NRK: variants seen among roughly 807,000 people sequenced by gnomAD.
NRK encodes the protein Nik related kinase, also known as nik-related protein kinase.
Under a neutral mutation model 125.2 loss-of-function variants are expected in NRK, and 67 were observed. The observed-to-expected ratio is 0.54, with a 90% CI of 0.44 to 0.66. NRK has a LOEUF of 0.66. Among genes scored for constraint, NRK ranks in the 30% least tolerant of loss-of-function variants. The probability of loss-of-function intolerance (pLI) is 0.00; values close to 1 mark genes in which losing one functional copy is unlikely to be tolerated. For missense variants in NRK, 1,224 were observed against 1,192.9 expected (o/e 1.03, Z -0.38); for synonymous variants, 458 against 429.0 (o/e 1.07, Z -0.84).
chrX:105,857,931 A>G (rs556855399), intron 2 of NRK, among the ~76,000 whole-genome samples: 1 of 110,220 alleles, frequency 9.1e-6, no homozygotes, highest in East Asian at 2.9e-4. Flanking sequence ...TTTGCTTGCT[A>G]GTATCCATCC....
chrX:105,834,157 T>C (rs977900419), intron 2 of NRK, among the ~76,000 whole-genome samples: 1 of 111,683 alleles, frequency 9.0e-6, no homozygotes, highest in Admixed American at 9.6e-5. Context: ...ATATTTCTTA[T>C]AGTCCAAGGC....
intron 2 of NRK, among the ~76,000 whole-genome samples, chrX:105,841,037 G>C (rs2039326733): frequency 9.0e-6 from 1 of 110,820 alleles, no homozygotes; most frequent in Admixed American, 9.7e-5. Context: ...TTGGAAAATA[G>C]CACTTCAACA....
chrX:105,861,340 T>G (rs1390265679), intron 2 of NRK, among the ~76,000 whole-genome samples: 1 of 112,474 alleles, frequency 8.9e-6, no homozygotes, highest in Non-Finnish European at 1.9e-5. Context: ...TAAAAATATT[T>G]TCTCCCACTC....
chrX:105,867,792 C>T (rs771629635), intron 2 of NRK, among the ~76,000 whole-genome samples: 94 of 111,752 alleles, frequency 8.4e-4, no homozygotes, highest in Non-Finnish European at 1.5e-3. Context: ...AACCTAAGAA[C>T]TAACAAAATG....
intron 13 of NRK, among the ~76,000 whole-genome samples, chrX:105,911,942 T>C (rs780597306): frequency 2.7e-5 from 3 of 111,384 alleles, no homozygotes; most frequent in South Asian, 7.5e-4. Flanking sequence ...CTCTAGGATA[T>C]TGTACAAGCA....
chrX:105,841,440 A>G lies in NRK; in HGVS notation c.123+10321A>G, dbSNP rs749008715. 1.9e-4 allele frequency among the ~76,000 whole-genome samples: 21 copies of G among 111,861 alleles called. No individual in the cohort carries two copies. In the East Asian group the frequency reaches 5.4e-3, roughly 29 times the overall value. ...GAAGTGGGAATTTTGTGTTATTTCA[A>G]TTGTAGAAATTATGATATGACGGTA... On this transcript the variant is annotated intron_variant, in intron 2 of 28. Coordinates refer to ENST00000243300, the MANE Select transcript of NRK (RefSeq NM_198465.4).
At chrX:105,894,692 A>C (rs1214272135) in intron 6 of NRK, among the ~76,000 whole-genome samples, 1 of 111,997 alleles carries the variant, frequency 8.9e-6, no homozygotes, top group Non-Finnish European at 1.9e-5. Flanking sequence ...TTCCTCATCT[A>C]TATTATAAGG....
At chrX:105,840,266 G>A (rs182323742) in intron 2 of NRK, among the ~76,000 whole-genome samples, 286 of 111,480 alleles carry the variant, frequency 2.6e-3, no homozygotes, top group Non-Finnish European at 2.6e-3. Flanking sequence ...TGGGATTTTT[G>A]CTCCCAAGAA....
intron 2 of NRK, among the ~76,000 whole-genome samples, chrX:105,864,769 T>G (rs2039648328): frequency 9.0e-6 from 1 of 111,561 alleles, no homozygotes; most frequent in Non-Finnish European, 1.9e-5. Context: ...GTGTCTGAAT[T>G]TTGCAGAGAC....
intron 18 of NRK, 57 bp downstream of exon 18, chrX:105,923,539 C>T: frequency 2.2e-6 from 2 of 901,983 alleles, no homozygotes; most frequent in Middle Eastern, 4.0e-4. Context: ...GAGCTATTTG[C>T]ATTTTTGGTT....
At chrX:105,946,679 T>C (rs2040817453) in intron 26 of NRK, among the ~76,000 whole-genome samples, 1 of 112,127 alleles carries the variant, frequency 8.9e-6, no homozygotes, top group Non-Finnish European at 1.9e-5. Flanking sequence ...ATTCTGCAGA[T>C]AGATTTTGCT....
chrX:105,832,660 C>T (rs1885994923), intron 2 of NRK, among the ~76,000 whole-genome samples: 2 of 110,834 alleles, frequency 1.8e-5, no homozygotes, highest in Non-Finnish European at 3.8e-5. Context: ...ACTACATCTA[C>T]CCAGAGGGGC....
At chrX:105,916,594 A>G (rs1368664312) in intron 15 of NRK, among the ~76,000 whole-genome samples, 1 of 111,517 alleles carries the variant, frequency 9.0e-6, no homozygotes, top group Non-Finnish European at 1.9e-5. Context: ...ACTTTAAAAA[A>G]CCCATACAAT....
At chrX:105,905,192 C>G in intron 9 of NRK, 73 bp from the exon 10 acceptor site, 6 of 718,495 alleles carry the variant, frequency 8.4e-6, no homozygotes, top group Non-Finnish European at 1.3e-5. Context: ...ACTGAGAATC[C>G]CCTCTGGAAT....
chrX:105,905,111 TTTCTTTTGAAATACA>T (rs2040203976), intron 9 of NRK, among the ~76,000 whole-genome samples, 139 bp from the exon 10 acceptor site: 1 of 112,533 alleles, frequency 8.9e-6, no homozygotes, highest in Non-Finnish European at 1.9e-5. Flanking sequence ...AGCTTTTCTT[TTTCTTTTGAAATACA>T]TTCTTTTGTA....
At chrX:105,900,102 TAG>T (rs2040137427) in intron 8 of NRK, among the ~76,000 whole-genome samples, 1 of 109,210 alleles carries the variant, frequency 9.2e-6, no homozygotes, top group Admixed American at 9.9e-5. Context: ...GAGAATTTTC[TAG>T]AGTCTTTTTC....
intron 4 of NRK, among the ~76,000 whole-genome samples, chrX:105,887,773 A>C: frequency 8.9e-6 from 1 of 112,100 alleles, no homozygotes; most frequent in South Asian, 3.7e-4. Context: ...AAAGTGGATT[A>C]GTGATTGCTT....
At chrX:105,943,260 C>T (rs746928546) in intron 23 of NRK, among the ~76,000 whole-genome samples, 117 of 111,548 alleles carry the variant, frequency 1.0e-3, no homozygotes, top group African/African-American at 3.3e-3. Flanking sequence ...TAGGTATATC[C>T]GCTTGTCCCA....
chrX:105,913,153 G>C (rs2040323277), intron 14 of NRK, among the ~76,000 whole-genome samples: 1 of 111,404 alleles, frequency 9.0e-6, no homozygotes, highest in Non-Finnish European at 1.9e-5. Flanking sequence ...GTGTTGTTTT[G>C]GTTGAAGTAT....
Sources: gnomAD v4.1 joint callset for allele counts (sites outside exome capture counted in the v4.1 genomes callset) on GRCh38, gnomAD v4.1.1 for gene constraint, MANE v1.5 for transcripts, NCBI Gene and HGNC (gene_info 2026-07-23, HGNC 2026-07-21) for gene names.